NALCN: variants seen among roughly 807,000 people sequenced by gnomAD.
NALCN encodes the protein sodium leak channel, non-selective, also known as sodium leak channel NALCN.
A neutral mutation model predicts 225.3 loss-of-function variants in NALCN; 111 were observed. The ratio of observed to expected loss-of-function variants is 0.49; its 90% CI spans 0.42 to 0.58. The LOEUF (loss-of-function observed/expected upper bound fraction) is 0.58. Among genes scored for constraint, NALCN ranks in the 20% least tolerant of loss-of-function variants. NALCN has a pLI of 0.00. For missense variants in NALCN, 1,378 were observed against 2,202.4 expected, an observed-to-expected ratio of 0.63 and a Z score of 7.49; for synonymous variants, 764 against 769.0, an observed-to-expected ratio of 0.99 and a Z score of 0.11.
At chr13:101,067,348 A>T (rs2032504574) in intron 39 of NALCN, among the ~76,000 whole-genome samples, 1 of 149,480 alleles carries the variant, frequency 6.7e-6, no homozygotes, top group African/African-American at 2.5e-5. Flanking sequence ...GAGGGGGTAG[A>T]GGAGGAGGAG....
At chr13:101,115,811 G>T (rs1397741152) in intron 18 of NALCN, among the ~76,000 whole-genome samples, 1 of 152,104 alleles carries the variant, frequency 6.6e-6, no homozygotes, top group Non-Finnish European at 1.5e-5. Context: ...AGGTACCAAG[G>T]TTTTTAACAT....
intron 15 of NALCN, among the ~76,000 whole-genome samples, chr13:101,157,493 A>C (rs1466967247): frequency 2.0e-5 from 3 of 152,212 alleles, no homozygotes. Flanking sequence ...CCTCTCACTG[A>C]GTAATGCTCC....
intron 14 of NALCN, chr13:101,181,025 A>G: frequency 2.0e-6 from 1 of 505,124 alleles, no homozygotes. Flanking sequence ...GTTCTGTACC[A>G]TTTTGAAGCA....
At chr13:101,404,476 G>A (rs776290790) in intron 1 of NALCN, among the ~76,000 whole-genome samples, 70 of 152,136 alleles carry the variant, frequency 4.6e-4, no homozygotes, top group Non-Finnish European at 6.9e-4. Flanking sequence ...AAGCCATCAG[G>A]GATTCCACTT....
chr13:101,316,166 A>G (rs1373747752), intron 7 of NALCN, among the ~76,000 whole-genome samples: 1 of 151,478 alleles, frequency 6.6e-6, no homozygotes, highest in Non-Finnish European at 1.5e-5. Flanking sequence ...ATGCTATTCA[A>G]TAAATGTCCT....
chr13:101,397,707 T>C (rs2047355828), intron 2 of NALCN, among the ~76,000 whole-genome samples: 1 of 151,724 alleles, frequency 6.6e-6, no homozygotes, highest in Non-Finnish European at 1.5e-5. Flanking sequence ...TATATAAATA[T>C]ACACACGACC....
chr13:101,254,869 C>A (rs1424868978), intron 11 of NALCN, among the ~76,000 whole-genome samples: 8 of 51,168 alleles, frequency 1.6e-4, no homozygotes, highest in Admixed American at 7.7e-4. Context: ...CCAGCCTGGG[C>A]GACAGAGCGA....
At chr13:101,177,722 C>T (rs1180791696) in intron 14 of NALCN, among the ~76,000 whole-genome samples, 1 of 151,992 alleles carries the variant, frequency 6.6e-6, no homozygotes, top group African/African-American at 2.4e-5. Flanking sequence ...TCATTTCTAA[C>T]TCATATTTTT....
At chr13:101,339,634 CTTA>C (rs1389579248) in intron 7 of NALCN, among the ~76,000 whole-genome samples, 1 of 152,138 alleles carries the variant, frequency 6.6e-6, no homozygotes, top group Non-Finnish European at 1.5e-5. Flanking sequence ...TGGTGCTTTA[CTTA>C]GGCTCTGTGG....
At chr13:101,214,376 A>G (rs1004884602) in intron 13 of NALCN, among the ~76,000 whole-genome samples, 3 of 152,090 alleles carry the variant, frequency 2.0e-5, no homozygotes, top group African/African-American at 7.2e-5. Context: ...GCACACCAAC[A>G]TGGCACATGT....
intron 10 of NALCN, among the ~76,000 whole-genome samples, chr13:101,273,884 CAAAAAA>C (rs34847260): frequency 3.1e-5 from 3 of 95,868 alleles, no homozygotes; most frequent in African/African-American, 1.3e-4. Context: ...GACTCCATCT[CAAAAAA>C]AAAAAAAAAA....
rs575776188 is a variant in NALCN, at chr13:101,415,224, T to C, written c.-40+1089A>G. Reference sequence around the variant, plus strand: ...AATCACACACATATATATATATATATACATACATATATATTTCAAAATCGC... The same window carrying C: ...AATCACACACATATATATATATATACACATACATATATATTTCAAAATCGC... On this transcript the variant is annotated intron_variant, in intron 1 of 43. Coordinates refer to ENST00000251127, the MANE Select transcript of NALCN (RefSeq NM_052867.4). Among the ~76,000 whole-genome samples the C allele has an allele frequency of 1.6e-4, 12 of 76,766 alleles. 1 individual carries two copies. Among genetic ancestry groups the C allele is most frequent in the East Asian group, 4.3e-4 (2 of 4,638 alleles). 50.4% of individuals were successfully genotyped at this position (76,766 alleles called of 152,430 possible).
chr13:101,324,239 C>T (rs895806331), intron 7 of NALCN, among the ~76,000 whole-genome samples: 2 of 152,086 alleles, frequency 1.3e-5, no homozygotes, highest in Non-Finnish European at 2.9e-5. Context: ...ATGATAGAAA[C>T]AACTCATACT....
intron 6 of NALCN, among the ~76,000 whole-genome samples, chr13:101,372,210 G>A (rs2046560060): frequency 6.6e-6 from 1 of 152,010 alleles, no homozygotes; most frequent in Admixed American, 6.6e-5. Flanking sequence ...AGCAAAAACT[G>A]ACAAAAATAA....
intron 7 of NALCN, among the ~76,000 whole-genome samples, chr13:101,338,192 C>T (rs3918320): frequency 0.44 from 67,454 of 151,996 alleles, 15,454 homozygotes; most frequent in African/African-American, 0.54. Context: ...AGTGATCCAC[C>T]ATATACAGCT....
intron 1 of NALCN, among the ~76,000 whole-genome samples, chr13:101,407,660 G>C (rs1036333398): frequency 6.6e-6 from 1 of 152,140 alleles, no homozygotes; most frequent in East Asian, 1.9e-4. Flanking sequence ...ATTAAAAATT[G>C]GAGGCAAACA....
intron 13 of NALCN, among the ~76,000 whole-genome samples, chr13:101,201,999 CT>C (rs2040142695): frequency 6.6e-6 from 1 of 152,160 alleles, no homozygotes; most frequent in Non-Finnish European, 1.5e-5. Flanking sequence ...GACTTCTCTT[CT>C]GTTTTTAATT....
intron 14 of NALCN, among the ~76,000 whole-genome samples, chr13:101,183,326 C>T (rs1169928078): frequency 1.3e-5 from 2 of 152,184 alleles, no homozygotes; most frequent in African/African-American, 4.8e-5. Context: ...GGACTTGCCA[C>T]ATTAAATCAC....
At chr13:101,139,606 T>A in intron 17 of NALCN, among the ~76,000 whole-genome samples, 1 of 81,040 alleles carries the variant, frequency 1.2e-5, no homozygotes, top group South Asian at 3.9e-4. Context: ...GCTGGGTGGT[T>A]TTTTTTTTTC....
Sources: allele counts gnomAD v4.1 joint callset (sites outside exome capture counted in the v4.1 genomes callset), GRCh38; gene constraint gnomAD v4.1.1; transcripts MANE v1.5; gene names NCBI Gene and HGNC (gene_info 2026-07-23, HGNC 2026-07-21).